Variants in RAP1GAP observed in about 807,000 individuals in gnomAD.
The protein encoded by RAP1GAP is RAP1 GTPase activating protein.
In RAP1GAP, 35 loss-of-function variants were observed where a neutral mutation model predicts 87.2. The observed-to-expected ratio is 0.40, with a 90% confidence interval of 0.31 to 0.53. The LOEUF is 0.53. Ranked by LOEUF, RAP1GAP falls within the 20% of genes least tolerant of loss-of-function variation. RAP1GAP has a pLI of 0.48. For missense variants in RAP1GAP, 734 were observed against 898.9 expected (o/e 0.82, Z 2.35); for synonymous variants, 375 against 363.9 (o/e 1.03, Z -0.35).
chr1:21,632,959 G>A (rs959750745), intron 2 of RAP1GAP, among the ~76,000 whole-genome samples: 9 of 152,150 alleles, frequency 5.9e-5, no homozygotes, highest in Non-Finnish European at 1.0e-4. Context: ...TGGGCAGAGG[G>A]GGAGACCAAG....
chr1:21,649,701 G>C, intron 2 of RAP1GAP, 60 bp downstream of exon 2: 1 of 1,502,636 alleles, frequency 6.7e-7, no homozygotes, highest in East Asian at 2.5e-5. Context: ...AATGGATTGG[G>C]GGTATCTGCA....
Position 21,609,010 on chromosome 1 carries a change from C to T in RAP1GAP, c.1072-74G>A, listed in dbSNP as rs571591612. 11 of 1,271,528 alleles carry T rather than the reference C, an allele frequency of 8.7e-6. No homozygotes were observed. The highest frequency in any genetic ancestry group is 3.4e-5 in the Admixed American group (2 of 59,218). The allele number at this position is 1,271,528 out of a possible 1,614,324, so 78.8% of individuals were successfully genotyped here. A position where few individuals can be genotyped will look rare whatever the true frequency, so the allele number is the denominator to read the frequency against. ...ACATAAACAAGGGTCGGAACCCCAA[C>T]GAGGCAGAGGCTGCAGCTCCTGAAC... On this transcript the variant is annotated intron_variant, in intron 15 of 24. Transcript: ENST00000374765. The surrounding 1 kb of genome is among the most constrained non-coding windows in gnomAD (Gnocchi z 4.4).
chr1:21,647,018 C>T (rs2096119041), intron 2 of RAP1GAP, among the ~76,000 whole-genome samples: 1 of 152,136 alleles, frequency 6.6e-6, no homozygotes, highest in African/African-American at 2.4e-5. Context: ...AAATCACCTC[C>T]TCTAGGAAGC....
At position 21,603,799 on chromosome 1, in the gene RAP1GAP, G is replaced by A. The variant is rs552828134; in HGVS notation, c.1429-886C>T. On this transcript the variant is annotated intron_variant, in intron 18 of 24. Transcript: ENST00000374765. This position sits in a 1 kb window ranked among gnomAD's most constrained non-coding sequence, Gnocchi z 6.0. ...AGCGAGCAGAGAACAGCGCGTGCAG[G>A]CAGCCTCCAGAGCCGGCGGCCCCGC... 7.6e-6 allele frequency: 12 copies of A among 1,583,722 alleles called. No individual in the cohort carries two copies. Among genetic ancestry groups the A allele is most frequent in the East Asian group, 2.2e-5 (1 of 44,724 alleles).
chr1:21,622,883 C>G lies in RAP1GAP; in HGVS notation c.-18-2833G>C, dbSNP rs942825779. The G allele has an allele frequency of 6.6e-6, 1 of 152,248 alleles. No individual in the cohort carries two copies. The allele number at this position is 152,248 out of a possible 1,614,324, so 9.4% of individuals were successfully genotyped here. A position where few individuals can be genotyped will look rare whatever the true frequency, so the allele number is the denominator to read the frequency against. On this transcript the variant is annotated intron_variant, in intron 3 of 24. Coordinates refer to ENST00000374765, the MANE Select transcript of RAP1GAP (RefSeq NM_002885.4). This position sits in a 1 kb window ranked among gnomAD's most constrained non-coding sequence, Gnocchi z 5.7. ...GCTTTTCTTGAGCACCTACTTAATG[C>G]TGGGCCCTTCGCATGTGTCGTAATC...
intron 10 of RAP1GAP, 176 bp downstream of exon 10, chr1:21,613,000 G>C (rs3767113): frequency 0.29 from 201,373 of 689,408 alleles, 30,836 homozygotes; most frequent in Non-Finnish European, 0.32. Context: ...CCTGGGGGAA[G>C]GCACAGGCCC....
At chr1:21,598,556 C>CA in intron 21 of RAP1GAP, 54 bp from the exon 22 acceptor site, 1 of 1,418,888 alleles carries the variant, frequency 7.0e-7, no homozygotes, top group Non-Finnish European at 9.9e-7. Context: ...TTGGCACTGG[C>CA]TAGGGCTCCC....
At chr1:21,601,273 G>C (rs1222222581) in intron 20 of RAP1GAP, among the ~76,000 whole-genome samples, 1 of 152,088 alleles carries the variant, frequency 6.6e-6, no homozygotes, top group African/African-American at 2.4e-5. Context: ...TCCTAGCAGG[G>C]CTGGTTCAGT....
intron 22 of RAP1GAP, 61 bp from the exon 23 acceptor site, chr1:21,598,125 G>A (rs1646293027): frequency 9.0e-7 from 1 of 1,112,222 alleles, no homozygotes; most frequent in East Asian, 2.6e-5. Context: ...AGGGAGACGG[G>A]GGCATAGGTG....
intron 1 of RAP1GAP, among the ~76,000 whole-genome samples, chr1:21,655,925 C>G (rs1366552757): frequency 6.6e-6 from 1 of 152,178 alleles, no homozygotes. Flanking sequence ...CTGGTGGAGC[C>G]AACACTTGCC....
At chr1:21,652,946 C>T (rs1482643245) in intron 1 of RAP1GAP, among the ~76,000 whole-genome samples, 1 of 152,194 alleles carries the variant, frequency 6.6e-6, no homozygotes, top group Non-Finnish European at 1.5e-5. Context: ...TTTAAACAAA[C>T]TGCAGGGCAC....
intron 1 of RAP1GAP, among the ~76,000 whole-genome samples, chr1:21,659,966 G>A (rs2097052259): frequency 6.6e-6 from 1 of 152,136 alleles, no homozygotes; most frequent in Non-Finnish European, 1.5e-5. Context: ...TCTTCACACT[G>A]CTCTGAGTCA....
chr1:21,642,661 G>T (rs964267903), intron 2 of RAP1GAP, among the ~76,000 whole-genome samples: 1 of 152,122 alleles, frequency 6.6e-6, no homozygotes, highest in Non-Finnish European at 1.5e-5. Context: ...TCCCATGGTG[G>T]CTGGGGGGTT....
In RAP1GAP at chr1:21,610,262, C is replaced by A. The variant is rs1485971580; in HGVS notation, c.857G>T (p.Arg286Leu). The change falls in exon 14 of 25, where the codon CGG becomes CTG. Residue 286 changes from arginine to leucine, a missense_variant. Arg to Leu is a moderately radical substitution (Grantham distance 102). Coordinates refer to ENST00000374765, the MANE Select transcript of RAP1GAP (RefSeq NM_002885.4). ...AGCCACGATGTCGTTCCCGATGTGCCGCTTCCGCTGCAACTGAGCACAAAG... is the reference window on the plus strand; with the variant it reads ...AGCCACGATGTCGTTCCCGATGTGCAGCTTCCGCTGCAACTGAGCACAAAG... ...EGDAQQLQRK[R>L]HIGNDIVAVV... 6.2e-7 allele frequency: 1 copy of A among 1,614,104 alleles called. No individual in the cohort carries two copies. Among genetic ancestry groups the A allele is most frequent in the Non-Finnish European group, 8.5e-7 (1 of 1,180,016 alleles).
At chr1:21,620,873 A>T (rs61775978) in intron 3 of RAP1GAP, among the ~76,000 whole-genome samples, 1 of 150,348 alleles carries the variant, frequency 6.7e-6, no homozygotes, top group Non-Finnish European at 1.5e-5. Context: ...CTCTCTCTCC[A>T]TCTTTCTCCC....
intron 17 of RAP1GAP, 70 bp from the exon 18 acceptor site, chr1:21,606,267 C>T: frequency 6.6e-7 from 1 of 1,524,776 alleles, no homozygotes; most frequent in Non-Finnish European, 8.8e-7. Flanking sequence ...AACCCAGGAG[C>T]CCAGGCATCT....
Position 21,603,400 on chromosome 1 carries a change from T to C in RAP1GAP, c.1429-487A>G, listed in dbSNP as rs1371695594. 1.9e-6 allele frequency: 1 copy of C among 539,382 alleles called. No homozygotes were observed. Among genetic ancestry groups the C allele is most frequent in the Admixed American group, 3.4e-5 (1 of 29,520 alleles). The allele number at this position is 539,382 out of a possible 1,614,324, so 33.4% of individuals were successfully genotyped here. The stretch of plus-strand genomic sequence containing the variant: ...CAGCTTCCCACACACTGTGCTGGGA[T>C]GCCCCAGGCCCCAGAAGCCCGCCCC... On this transcript the variant is annotated intron_variant, in intron 18 of 24. Coordinates refer to ENST00000374765, the MANE Select transcript of RAP1GAP (RefSeq NM_002885.4). The surrounding 1 kb of genome is among the most constrained non-coding windows in gnomAD (Gnocchi z 6.0).
chr1:21,606,260 C>T, intron 17 of RAP1GAP, 63 bp from the exon 18 acceptor site: 1 of 1,529,644 alleles, frequency 6.5e-7, no homozygotes, highest in Non-Finnish European at 8.8e-7. Flanking sequence ...TTGGGGAAAC[C>T]CAGGAGCCCA....
intron 17 of RAP1GAP, among the ~76,000 whole-genome samples, chr1:21,607,989 G>T (rs1265325393): frequency 6.6e-6 from 1 of 151,280 alleles, no homozygotes; most frequent in Non-Finnish European, 1.5e-5. Flanking sequence ...CCCAGTCCGG[G>T]ACTTCGCCCC....
Sources: allele counts gnomAD v4.1 joint callset (sites outside exome capture counted in the v4.1 genomes callset), GRCh38; gene constraint gnomAD v4.1.1; non-coding constraint Gnocchi (gnomAD v3.1); transcripts MANE v1.5; gene names NCBI Gene and HGNC (gene_info 2026-07-23, HGNC 2026-07-21).